The following SLC5A1 variants were observed in gnomAD, a reference collection of about 807,000 sequenced individuals.
The protein encoded by SLC5A1 is solute carrier family 5 member 1.
In SLC5A1, 42 loss-of-function variants were observed where a neutral mutation model predicts 73.5. The ratio of observed to expected loss-of-function variants is 0.57; its 90% CI spans 0.45 to 0.74. The LOEUF (loss-of-function observed/expected upper bound fraction) is 0.74. SLC5A1 is among the 30% of genes least tolerant of loss of function. The pLI, the probability that SLC5A1 is intolerant of heterozygous loss-of-function variation, is 0.00. For synonymous variants in SLC5A1, 300 were observed against 317.4 expected (o/e 0.95, Z 0.58); for missense variants, 634 against 855.4 (o/e 0.74, Z 3.23).
rs1172889016 is a variant in SLC5A1 at position 32,066,992 on chromosome 22, G to A, written c.265G>A (p.Gly89Arg). ...AAGTGGCCACTTTGTGGGGCTGGCC[G>A]GGACTGGGGCAGCTTCAGGCATCGC... ...IGSGHFVGLAGTGAASGIAIG... is the reference protein window; with the variant it reads ...IGSGHFVGLARTGAASGIAIG... Residue 89 changes from glycine to arginine, a missense_variant, in exon 3 of 15, where the codon GGG becomes AGG. Transcript: ENST00000266088. 1.2e-6 allele frequency: 2 copies of A among 1,613,808 alleles called. No individual in the cohort carries two copies. Among genetic ancestry groups the A allele is most frequent in the Non-Finnish European group, 1.7e-6 (2 of 1,179,758 alleles).
chr22:32,099,245 A>G lies in SLC5A1; in HGVS notation c.1343A>G (p.Gln448Arg). 1 of 1,613,552 alleles carries G rather than the reference A, an allele frequency of 6.2e-7. No individual in the cohort carries two copies. The highest frequency in any genetic ancestry group is 8.5e-7 in the Non-Finnish European group (1 of 1,179,890). ...TGGGTGCCCATTGTGCAGTCAGCAC[A>G]AAGTGGGCAACTCTTCGATTACATC... The part of the protein sequence containing the change: ...IAWVPIVQSA[Q>R]SGQLFDYIQS... Residue 448 changes from glutamine to arginine, a missense_variant, in exon 12 of 15, where the codon CAA (glutamine) becomes CGA (arginine). Gln to Arg is a conservative substitution (Grantham distance 43). Coordinates refer to ENST00000266088, the MANE Select transcript of SLC5A1 (RefSeq NM_000343.4).
intron 2 of SLC5A1, among the ~76,000 whole-genome samples, chr22:32,050,786 G>C (rs949541703): frequency 6.6e-6 from 1 of 152,240 alleles, no homozygotes; most frequent in African/African-American, 2.4e-5. Flanking sequence ...AGAAGAGTCA[G>C]CTTACATAGG....
intron 2 of SLC5A1, among the ~76,000 whole-genome samples, chr22:32,055,846 A>G (rs1439222933): frequency 1.3e-5 from 2 of 152,246 alleles, no homozygotes; most frequent in Non-Finnish European, 2.9e-5. Flanking sequence ...TGTAAAAATT[A>G]GCATTCTCCT....
chr22:32,051,273 C>T (rs558013311), intron 2 of SLC5A1, among the ~76,000 whole-genome samples: 86 of 152,242 alleles, frequency 5.6e-4, no homozygotes, highest in South Asian at 2.5e-3. Context: ...TGACATTGGG[C>T]AATTCATTAA....
intron 9 of SLC5A1, 23 bp downstream of exon 9, chr22:32,085,058 C>T: frequency 1.2e-6 from 2 of 1,613,900 alleles, no homozygotes; most frequent in Non-Finnish European, 1.7e-6. Context: ...GCTGGACCCA[C>T]AAACCACTCT....
intron 5 of SLC5A1, among the ~76,000 whole-genome samples, chr22:32,070,514 TG>T (rs2149488814): frequency 6.6e-6 from 1 of 151,752 alleles, no homozygotes; most frequent in Non-Finnish European, 1.5e-5. Flanking sequence ...AAAATTCTTT[TG>T]TAGAGACAGG....
chr22:32,080,084 G>T (rs1322315142), intron 5 of SLC5A1, among the ~76,000 whole-genome samples: 1 of 152,132 alleles, frequency 6.6e-6, no homozygotes, highest in Non-Finnish European at 1.5e-5. Context: ...TTGCCCAAAG[G>T]TTTGCAGGCC....
In SLC5A1 at chr22:32,111,025, C is replaced by T. The variant is rs561993384; in HGVS notation, c.*812C>T. The stretch of plus-strand genomic sequence containing the variant: ...ATGACATAGGCATTTATTTTTAAAT[C>T]TTTGCTTGCTTTTTACATGAGCCTG... On this transcript the variant is annotated 3_prime_UTR_variant, in exon 15 of 15. Coordinates refer to ENST00000266088, the MANE Select transcript of SLC5A1 (RefSeq NM_000343.4). 1.3e-5 allele frequency: 2 copies of T among 152,254 alleles called. No individual in the cohort carries two copies. The highest frequency in any genetic ancestry group is 6.5e-5 in the Admixed American group (1 of 15,278). The allele number at this position is 152,254 out of a possible 1,614,324, so 9.4% of individuals were successfully genotyped here.
chr22:32,091,658 C>T lies in SLC5A1; in HGVS notation c.1176C>T (p.Ser392=), dbSNP rs201975963. ...MLSVMLASLM[S]SLTSIFNSAS... ...CAGTCATGCTGGCCTCCCTCATGAG[C>T]TCCCTGACCTCCATCTTCAACAGCG... Residue 392 remains serine (S), a synonymous_variant, in exon 11 of 15, where the codon AGC becomes AGT. Coordinates refer to ENST00000266088, the MANE Select transcript of SLC5A1 (RefSeq NM_000343.4). 20 of 1,614,018 alleles carry T rather than the reference C, an allele frequency of 1.2e-5. No individual in the cohort carries two copies. The highest frequency in any genetic ancestry group is 9.9e-5 in the South Asian group (9 of 91,088).
chr22:32,108,361 A>G (rs768720860), intron 14 of SLC5A1, among the ~76,000 whole-genome samples: 2 of 152,124 alleles, frequency 1.3e-5, no homozygotes, highest in Non-Finnish European at 2.9e-5. Context: ...TTGGCCTCCC[A>G]AAGTGTTGGG....
intron 5 of SLC5A1, among the ~76,000 whole-genome samples, chr22:32,074,706 G>A (rs2093988031): frequency 6.6e-6 from 1 of 152,162 alleles, no homozygotes; most frequent in South Asian, 2.1e-4. Flanking sequence ...CATGATATTA[G>A]TGGAGGCCAT....
chr22:32,049,107 T>TA (rs1569298627), intron 1 of SLC5A1, among the ~76,000 whole-genome samples: 7 of 145,370 alleles, frequency 4.8e-5, no homozygotes, highest in Non-Finnish European at 1.0e-4. Context: ...TATATATATA[T>TA]ATATAATCAT....
intron 5 of SLC5A1, among the ~76,000 whole-genome samples, chr22:32,080,988 T>C (rs2093998962): frequency 6.6e-6 from 1 of 152,114 alleles, no homozygotes; most frequent in African/African-American, 2.4e-5. Context: ...AGTGAGACTC[T>C]GTCAAAAAAT....
At position 32,050,224 on chromosome 22, in the gene SLC5A1, G is replaced by A. The variant is rs544880569; in HGVS notation, c.207+210G>A. On this transcript the variant is annotated intron_variant, in intron 2 of 14. Coordinates refer to ENST00000266088, the MANE Select transcript of SLC5A1 (RefSeq NM_000343.4). ...AGCCTTTAAATAAATCACCCTTAGA[G>A]TCCTTCAATAAAATACAAAGTTGGT... 3.9e-3 allele frequency among the ~76,000 whole-genome samples: 595 copies of A among 152,226 alleles called. 7 individuals carry two copies. The highest frequency in any genetic ancestry group is 0.014 in the African/African-American group (581 of 41,510).
chr22:32,089,357 G>C (rs942819284), intron 10 of SLC5A1, among the ~76,000 whole-genome samples: 2 of 152,060 alleles, frequency 1.3e-5, no homozygotes, highest in Non-Finnish European at 2.9e-5. Flanking sequence ...CAAGGCTGTA[G>C]GTGAGACCAT....
chr22:32,090,614 T>C (rs1275345048), intron 10 of SLC5A1, among the ~76,000 whole-genome samples: 1 of 152,112 alleles, frequency 6.6e-6, no homozygotes, highest in Non-Finnish European at 1.5e-5. Context: ...TTACAAGTAA[T>C]AATATTACAA....
In SLC5A1 at chr22:32,076,549, T is replaced by C. The variant is rs142729835; in HGVS notation, c.478-5317T>C. Among the ~76,000 whole-genome samples the C allele has an allele frequency of 1.3e-3, 191 of 152,346 alleles. 1 individual carries two copies. The highest frequency in any genetic ancestry group is 4.4e-3 in the African/African-American group (184 of 41,588). On this transcript the variant is annotated intron_variant, in intron 5 of 14. Coordinates refer to ENST00000266088, the MANE Select transcript of SLC5A1 (RefSeq NM_000343.4). ...ATGTTTACAGCAATTCTGCTGTCCA[T>C]TTTGGATCCTTGGGTGAAAAGAAGA...
intron 1 of SLC5A1, among the ~76,000 whole-genome samples, chr22:32,045,538 G>A (rs2093936018): frequency 6.6e-6 from 1 of 152,306 alleles, no homozygotes; most frequent in Non-Finnish European, 1.5e-5. Flanking sequence ...TCTCTGGGCT[G>A]CACAGGCAGA....
At chr22:32,057,984 GA>G (rs2093954344) in intron 2 of SLC5A1, among the ~76,000 whole-genome samples, 1 of 152,126 alleles carries the variant, frequency 6.6e-6, no homozygotes, top group Admixed American at 6.5e-5. Flanking sequence ...ATTGTGTTCT[GA>G]TTATAAAATT....
Sources: gnomAD v4.1 joint callset for allele counts (sites outside exome capture counted in the v4.1 genomes callset) on GRCh38, gnomAD v4.1.1 for gene constraint, MANE v1.5 for transcripts, NCBI Gene and HGNC (gene_info 2026-07-23, HGNC 2026-07-21) for gene names.